The following CA10 variants were observed in gnomAD, a reference collection of about 807,000 sequenced individuals.
CA10 encodes the protein carbonic anhydrase 10 (inactive).
Under a neutral mutation model 44.2 loss-of-function variants are expected in CA10, and 14 were observed. The observed-to-expected ratio is 0.32, with a 90% confidence interval of 0.21 to 0.50. The LOEUF is 0.50. CA10 is among the 20% of genes least tolerant of loss of function. CA10 has a pLI of 0.99. For synonymous variants in CA10, 159 were observed against 141.6 expected, an observed-to-expected ratio of 1.12 and a Z score of -0.87; for missense variants, 350 against 409.7, an observed-to-expected ratio of 0.85 and a Z score of 1.26.
At chr17:51,966,998 A>C (rs959072685) in intron 2 of CA10, among the ~76,000 whole-genome samples, 19 of 151,938 alleles carry the variant, frequency 1.3e-4, no homozygotes, top group African/African-American at 4.6e-4. Context: ...AAGAAACTTA[A>C]ACAACTCAAC....
intron 3 of CA10, among the ~76,000 whole-genome samples, chr17:51,843,478 G>C (rs773127704): frequency 1.1e-4 from 17 of 152,184 alleles, no homozygotes; most frequent in Non-Finnish European, 2.2e-4. Flanking sequence ...CTACAGGGCA[G>C]GTTAAAATGG....
chr17:51,780,849 C>G (rs1567837407), intron 3 of CA10, among the ~76,000 whole-genome samples: 1 of 152,242 alleles, frequency 6.6e-6, no homozygotes, highest in Non-Finnish European at 1.5e-5. Context: ...AAACATTTTC[C>G]GTGAAGAGCA....
chr17:52,157,873 GCA>G lies in CA10; in HGVS notation c.-89_-88del, dbSNP rs2081278728. The G allele has an allele frequency of 2.9e-6, 3 of 1,034,016 alleles. No individual in the cohort carries two copies. The highest frequency in any genetic ancestry group is 2.1e-4 in the Middle Eastern group (1 of 4,828). The allele number at this position is 1,034,016 out of a possible 1,614,324, so 64.1% of individuals were successfully genotyped here. ...ACACGGCACACACACATACACACTC[GCA>G]CACACTTCCGAGCGAGTGCACACTC... On this transcript the variant is annotated 5_prime_UTR_variant, in exon 1 of 9. Coordinates refer to ENST00000451037, the MANE Select transcript of CA10 (RefSeq NM_020178.5).
intron 1 of CA10, among the ~76,000 whole-genome samples, chr17:52,098,809 G>A (rs1381414021): frequency 6.6e-6 from 1 of 152,114 alleles, no homozygotes; most frequent in Non-Finnish European, 1.5e-5. Context: ...AGGGCCCATT[G>A]CTATATTAAA....
At chr17:51,698,499 T>C (rs1024008875) in intron 4 of CA10, among the ~76,000 whole-genome samples, 23 of 152,234 alleles carry the variant, frequency 1.5e-4, no homozygotes, top group African/African-American at 5.3e-4. Flanking sequence ...TTTGTAGACA[T>C]TGTGAAATAA....
chr17:51,651,989 GC>G (rs1176730236), intron 5 of CA10, among the ~76,000 whole-genome samples: 1 of 152,214 alleles, frequency 6.6e-6, no homozygotes, highest in Non-Finnish European at 1.5e-5. Context: ...ACAGGAATTT[GC>G]CCTGTGCTTA....
intron 1 of CA10, among the ~76,000 whole-genome samples, chr17:52,124,201 C>T (rs1989071712): frequency 6.6e-6 from 1 of 152,196 alleles, no homozygotes; most frequent in African/African-American, 2.4e-5. Context: ...TCCTTCATCC[C>T]ATTTCCCACC....
At chr17:51,993,232 C>T (rs947213940) in intron 2 of CA10, among the ~76,000 whole-genome samples, 9 of 151,996 alleles carry the variant, frequency 5.9e-5, no homozygotes, top group South Asian at 2.1e-4. Context: ...CTCCTGTTGT[C>T]GTTAATACTG....
At chr17:51,741,166 A>C (rs1269724812) in intron 4 of CA10, among the ~76,000 whole-genome samples, 1 of 152,200 alleles carries the variant, frequency 6.6e-6, no homozygotes, top group African/African-American at 2.4e-5. Flanking sequence ...GAGATTCTGC[A>C]GCCACCTATG....
At chr17:52,132,867 C>A (rs1989271916) in intron 1 of CA10, among the ~76,000 whole-genome samples, 2 of 152,108 alleles carry the variant, frequency 1.3e-5, no homozygotes, top group Admixed American at 1.3e-4. Context: ...CATCTCGTGG[C>A]TCAACCGAGG....
At chr17:51,719,987 T>A (rs192696108) in intron 4 of CA10, among the ~76,000 whole-genome samples, 98 of 152,280 alleles carry the variant, frequency 6.4e-4, no homozygotes, top group African/African-American at 2.3e-3. Context: ...CTCTAGAACA[T>A]AATAGGCATA....
intron 2 of CA10, among the ~76,000 whole-genome samples, chr17:51,967,382 T>G (rs1233794077): frequency 6.6e-6 from 1 of 151,134 alleles, no homozygotes; most frequent in Non-Finnish European, 1.5e-5. Context: ...AAAAGACACA[T>G]GCACTTGTAT....
Position 52,158,142 on chromosome 17 carries a change from A to G in CA10, c.-356T>C, listed in dbSNP as rs946799151. The G allele has an allele frequency of 1.2e-5, 5 of 422,134 alleles. No individual in the cohort carries two copies. The highest frequency in any genetic ancestry group is 2.2e-5 in the Non-Finnish European group (5 of 228,366). The allele number at this position is 422,134 out of a possible 1,614,324, so 26.1% of individuals were successfully genotyped here. A position where few individuals can be genotyped will look rare whatever the true frequency, so the allele number is the denominator to read the frequency against. ...GCGGCGGCAGCAGCCACCTGAAGCC[A>G]CCAACACTGGGCTCTTCCAGCAAAA... is the stretch of plus-strand genomic sequence containing the variant. On this transcript the variant is annotated 5_prime_UTR_variant, in exon 1 of 9. Transcript: ENST00000451037.
intron 3 of CA10, among the ~76,000 whole-genome samples, chr17:51,843,937 C>T (rs150029929): frequency 1.5e-3 from 228 of 152,224 alleles, no homozygotes; most frequent in African/African-American, 5.1e-3. Context: ...AAATCAGTCT[C>T]GACTTACCAC....
At chr17:52,146,582 C>G (rs961408808) in intron 1 of CA10, among the ~76,000 whole-genome samples, 9 of 151,664 alleles carry the variant, frequency 5.9e-5, no homozygotes, top group African/African-American at 2.2e-4. Flanking sequence ...CCCAGCTACT[C>G]GGGAGGCTGA....
chr17:51,906,053 ACT>A (rs949209157), intron 3 of CA10, among the ~76,000 whole-genome samples: 13 of 151,850 alleles, frequency 8.6e-5, no homozygotes, highest in Non-Finnish European at 1.5e-4. Flanking sequence ...ACCTACAGAG[ACT>A]CTGTCTTTCC....
intron 2 of CA10, among the ~76,000 whole-genome samples, chr17:51,987,785 T>A (rs1984896037): frequency 1.3e-5 from 2 of 151,850 alleles, no homozygotes; most frequent in South Asian, 4.1e-4. Context: ...ACAGTAAAAA[T>A]ACATGAAAAT....
At chr17:51,774,703 T>C (rs1227033963) in intron 3 of CA10, among the ~76,000 whole-genome samples, 3 of 152,128 alleles carry the variant, frequency 2.0e-5, no homozygotes, top group African/African-American at 4.8e-5. Flanking sequence ...CTTGGCCTCC[T>C]GAAGTACTGG....
chr17:51,955,447 G>A (rs779773210), intron 2 of CA10, among the ~76,000 whole-genome samples: 1 of 152,120 alleles, frequency 6.6e-6, no homozygotes, highest in Non-Finnish European at 1.5e-5. Flanking sequence ...CACTTCTCCA[G>A]GTAACTCATG....
Sources: gnomAD v4.1 joint callset for allele counts (sites outside exome capture counted in the v4.1 genomes callset) on GRCh38, gnomAD v4.1.1 for gene constraint, MANE v1.5 for transcripts, NCBI Gene and HGNC (gene_info 2026-07-23, HGNC 2026-07-21) for gene names.